TESC: variants seen among roughly 807,000 people sequenced by gnomAD.
TESC encodes tescalcin.
Under a neutral mutation model 31.0 loss-of-function variants are expected in TESC, and 19 were observed. The observed-to-expected ratio is 0.61, with a 90% CI of 0.43 to 0.90. The LOEUF (loss-of-function observed/expected upper bound fraction) is 0.90. Ranked by LOEUF, TESC falls within the 40% of genes least tolerant of loss-of-function variation. TESC has a pLI of 0.00. For synonymous variants in TESC, 109 were observed against 114.8 expected (o/e 0.95, Z 0.32); for missense variants, 248 against 303.8 (o/e 0.82, Z 1.36).
At chr12:117,060,021 A>T (rs973612944) in intron 2 of TESC, among the ~76,000 whole-genome samples, 5 of 152,152 alleles carry the variant, frequency 3.3e-5, no homozygotes, top group African/African-American at 4.8e-5. Flanking sequence ...AAATGCAGGG[A>T]GACAAAGTGG....
intron 6 of TESC, among the ~76,000 whole-genome samples, chr12:117,045,678 C>G (rs548638957): frequency 1.3e-5 from 2 of 152,340 alleles, no homozygotes; most frequent in African/African-American, 4.8e-5. Flanking sequence ...GCTTGGGGCA[C>G]AGAGAGCAGG....
intron 2 of TESC, among the ~76,000 whole-genome samples, chr12:117,070,448 T>TGCAGCTGACACGAACCTC (rs1172840779): frequency 6.6e-6 from 1 of 152,104 alleles, no homozygotes; most frequent in Non-Finnish European, 1.5e-5. Flanking sequence ...TGTCACTATG[T>TGCAGCTGACACGAACCTC]GCAGCTGACA....
chr12:117,080,802 C>T (rs1955136595), intron 1 of TESC, among the ~76,000 whole-genome samples: 1 of 152,168 alleles, frequency 6.6e-6, no homozygotes, highest in Non-Finnish European at 1.5e-5. Context: ...GGGCCCCCAA[C>T]AGGGCCCCTC....
chr12:117,075,720 G>A (rs1241252428), intron 1 of TESC, among the ~76,000 whole-genome samples: 26 of 150,312 alleles, frequency 1.7e-4, no homozygotes, highest in East Asian at 2.0e-4. Context: ...ACACTGGCAC[G>A]ACCTCGGCAT....
chr12:117,053,075 C>T (rs1224299972), intron 3 of TESC, among the ~76,000 whole-genome samples: 1 of 152,200 alleles, frequency 6.6e-6, no homozygotes, highest in Non-Finnish European at 1.5e-5. Context: ...ACAGGCCCGT[C>T]GCGCCTGGAG....
chr12:117,040,038 T>C (rs779525525), intron 7 of TESC, among the ~76,000 whole-genome samples: 2 of 152,194 alleles, frequency 1.3e-5, no homozygotes, highest in African/African-American at 4.8e-5. Context: ...TTCCCGCTTA[T>C]GTAAGAATCA....
At chr12:117,065,508 A>G (rs1047980493) in intron 2 of TESC, among the ~76,000 whole-genome samples, 3 of 152,136 alleles carry the variant, frequency 2.0e-5, no homozygotes, top group Non-Finnish European at 4.4e-5. Context: ...GGGGCATGTT[A>G]AGCGGCATGT....
chr12:117,039,265 A>G, intron 7 of TESC, 55 bp from the exon 8 acceptor site: 1 of 1,547,010 alleles, frequency 6.5e-7, no homozygotes, highest in Non-Finnish European at 8.8e-7. Context: ...CTCACACCTG[A>G]CCAGGCCCCC....
chr12:117,077,926 T>C (rs1218774819), intron 1 of TESC, among the ~76,000 whole-genome samples: 1 of 152,120 alleles, frequency 6.6e-6, no homozygotes, highest in Non-Finnish European at 1.5e-5. Context: ...TGCACTGTTC[T>C]GGATATGCAC....
At chr12:117,087,704 G>T (rs929735543) in intron 1 of TESC, among the ~76,000 whole-genome samples, 1 of 152,196 alleles carries the variant, frequency 6.6e-6, no homozygotes, top group Admixed American at 6.5e-5. Context: ...TTAGCTGGGC[G>T]TGCTGGTGCA....
intron 2 of TESC, among the ~76,000 whole-genome samples, chr12:117,059,013 C>A (rs1954767344): frequency 6.6e-6 from 1 of 152,180 alleles, no homozygotes; most frequent in Admixed American, 6.5e-5. Context: ...AAGGACCCAG[C>A]ACACAGGCTG....
At chr12:117,090,536 A>G (rs1484868699) in intron 1 of TESC, among the ~76,000 whole-genome samples, 1 of 152,230 alleles carries the variant, frequency 6.6e-6, no homozygotes, top group Non-Finnish European at 1.5e-5. Flanking sequence ...TAATCCTCGC[A>G]ACATTCAGTG....
chr12:117,052,106 G>T (rs73203846), intron 3 of TESC, among the ~76,000 whole-genome samples: 1 of 152,228 alleles, frequency 6.6e-6, no homozygotes, highest in Non-Finnish European at 1.5e-5. Context: ...TGAGCACCAG[G>T]ATGAAGATCA....
At chr12:117,098,020 T>TAC (rs1046559300) in intron 1 of TESC, among the ~76,000 whole-genome samples, 3 of 152,166 alleles carry the variant, frequency 2.0e-5, no homozygotes, top group African/African-American at 7.2e-5. Flanking sequence ...AGTGCGTGCA[T>TAC]ACACACACCA....
intron 3 of TESC, among the ~76,000 whole-genome samples, chr12:117,050,303 C>T (rs936211478): frequency 6.6e-6 from 1 of 152,190 alleles, no homozygotes; most frequent in African/African-American, 2.4e-5. Flanking sequence ...GCCCGCAAAG[C>T]CTAAAATATT....
Position 117,056,849 on chromosome 12 carries a change from TGAG to T in TESC, c.163_165del (p.Leu55del). 6.2e-6 allele frequency: 10 copies of T among 1,614,172 alleles called. No individual in the cohort carries two copies. The highest frequency in any genetic ancestry group is 8.5e-6 in the Non-Finnish European group (10 of 1,180,024). ...CGAACAATTTTGGATCGGATGGGGT[TGAG>T]CTCCAGGTCCGGGACATTGTTGAAG... On this transcript the variant is annotated inframe_deletion, in exon 3 of 8. Coordinates refer to ENST00000335209, the MANE Select transcript of TESC (RefSeq NM_017899.4).
At chr12:117,070,746 T>C (rs1954958877) in intron 2 of TESC, among the ~76,000 whole-genome samples, 1 of 152,106 alleles carries the variant, frequency 6.6e-6, no homozygotes, top group Admixed American at 6.5e-5. Context: ...CTACCTCTAC[T>C]TCCTATGGGG....
At chr12:117,094,651 G>A (rs1955366394) in intron 1 of TESC, among the ~76,000 whole-genome samples, 5 of 152,176 alleles carry the variant, frequency 3.3e-5, no homozygotes, top group Admixed American at 2.0e-4. Context: ...GTCGGATGGA[G>A]AGATGGCTTT....
intron 7 of TESC, 86 bp from the exon 8 acceptor site, chr12:117,039,296 C>G (rs1327453123): frequency 2.3e-6 from 3 of 1,280,536 alleles, no homozygotes; most frequent in Non-Finnish European, 3.3e-6. Flanking sequence ...CCCTTCCCAC[C>G]TACCGTCTCC....
Sources: allele counts gnomAD v4.1 joint callset (sites outside exome capture counted in the v4.1 genomes callset), GRCh38; gene constraint gnomAD v4.1.1; transcripts MANE v1.5; gene names NCBI Gene and HGNC (gene_info 2026-07-23, HGNC 2026-07-21).